Variants in HMGB1 observed in about 807,000 individuals in gnomAD.
HMGB1 encodes high mobility group protein B1.
For synonymous variants in HMGB1, 81 were observed against 84.0 expected (o/e 0.96, Z 0.19); for missense variants, 79 against 253.5 (o/e 0.31, Z 4.67).
In HMGB1 at chr13:30,459,844, C is replaced by G. The variant is rs1886198000; in HGVS notation, c.*1513G>C. The G allele has an allele frequency of 6.6e-6, 1 of 152,492 alleles. No individual in the cohort carries two copies. The highest frequency in any genetic ancestry group is 2.1e-4 in the South Asian group (1 of 4,832). 9.4% of individuals were successfully genotyped at this position (152,492 alleles called of 1,614,324 possible). On this transcript the variant is annotated 3_prime_UTR_variant, in exon 5 of 5. Transcript: ENST00000341423. ...AAGTTCTTAAGTGAAAGCCATTTAA[C>G]TAGTATTTAAAACCTCTGCAATTAT...
intron 1 of HMGB1, among the ~76,000 whole-genome samples, chr13:30,473,302 A>G (rs1024289938): frequency 6.6e-6 from 1 of 152,188 alleles, no homozygotes. Flanking sequence ...TTATATCAAT[A>G]AGTTCTCTAG....
intron 1 of HMGB1, chr13:30,464,751 C>G (rs965938673): frequency 2.6e-6 from 1 of 377,690 alleles, no homozygotes; most frequent in African/African-American, 2.5e-5. Context: ...GAGAATATGG[C>G]TCCTTCCCTT....
At chr13:30,524,591 G>T (rs1332731008) in intron 1 of HMGB1, among the ~76,000 whole-genome samples, 2 of 152,034 alleles carry the variant, frequency 1.3e-5, no homozygotes, top group Non-Finnish European at 2.9e-5. Context: ...GCTGAGGCAG[G>T]AGAATCATTT....
chr13:30,593,278 A>G (rs1871448611), intron 1 of HMGB1, among the ~76,000 whole-genome samples: 1 of 152,172 alleles, frequency 6.6e-6, no homozygotes, highest in Non-Finnish European at 1.5e-5. Flanking sequence ...GCCTCTGATT[A>G]TCTTTTAATA....
Position 30,465,850 on chromosome 13 carries a change from G to C in HMGB1, c.-69C>G. 1.0e-6 allele frequency: 1 copy of C among 985,570 alleles called. No individual in the cohort carries two copies. The highest frequency in any genetic ancestry group is 1.2e-6 in the Non-Finnish European group (1 of 829,680). The allele number at this position is 985,570 out of a possible 1,614,324, so 61.1% of individuals were successfully genotyped here. On this transcript the variant is annotated 5_prime_UTR_variant, in exon 1 of 5. Coordinates refer to ENST00000341423, the MANE Select transcript of HMGB1 (RefSeq NM_002128.7). ...CCGTCCGGCTCTCACTTGCCCCGGT[G>C]CTGTCTCTATGGAGCTCAATGTACT...
chr13:30,544,514 T>C (rs1408535366), intron 1 of HMGB1, among the ~76,000 whole-genome samples: 1 of 152,208 alleles, frequency 6.6e-6, no homozygotes, highest in East Asian at 1.9e-4. Flanking sequence ...CATGCCTATG[T>C]AATGACGCTT....
At chr13:30,506,423 C>G (rs1225654165) in intron 1 of HMGB1, among the ~76,000 whole-genome samples, 10 of 152,150 alleles carry the variant, frequency 6.6e-5, no homozygotes, top group Admixed American at 6.5e-4. Context: ...CCCTCTTAAC[C>G]GATGACTGAG....
chr13:30,568,687 A>G (rs1324845501), intron 1 of HMGB1, among the ~76,000 whole-genome samples: 2 of 152,270 alleles, frequency 1.3e-5, no homozygotes, highest in East Asian at 3.9e-4. Flanking sequence ...AGATGCAGTT[A>G]CAAGTCAAGG....
intron 1 of HMGB1, among the ~76,000 whole-genome samples, chr13:30,518,415 C>A (rs1457345835): frequency 6.6e-6 from 1 of 152,046 alleles, no homozygotes; most frequent in African/African-American, 2.4e-5. Context: ...TTTTCAAGAC[C>A]CAATTTAGAT....
chr13:30,553,680 A>G, intron 1 of HMGB1: 1 of 821,524 alleles, frequency 1.2e-6, no homozygotes, highest in South Asian at 1.4e-5. Flanking sequence ...CATGCCCACC[A>G]TCATTGAGCG....
At chr13:30,601,117 C>G (rs948390809) in intron 1 of HMGB1, among the ~76,000 whole-genome samples, 3 of 152,174 alleles carry the variant, frequency 2.0e-5, no homozygotes, top group Admixed American at 2.0e-4. Flanking sequence ...TTTATAATTT[C>G]CCCCACCCTT....
At chr13:30,607,295 C>T (rs1950469233) in intron 1 of HMGB1, among the ~76,000 whole-genome samples, 1 of 152,230 alleles carries the variant, frequency 6.6e-6, no homozygotes, top group South Asian at 2.1e-4. Context: ...CCACCCAAAT[C>T]TCATCTTGAA....
At chr13:30,580,081 C>A (rs1870835789) in intron 1 of HMGB1, among the ~76,000 whole-genome samples, 1 of 152,154 alleles carries the variant, frequency 6.6e-6, no homozygotes, top group Non-Finnish European at 1.5e-5. Context: ...ATTTCTGATA[C>A]AAAGAGACAG....
chr13:30,608,780 T>A (rs981309241), intron 1 of HMGB1, among the ~76,000 whole-genome samples: 1 of 152,220 alleles, frequency 6.6e-6, no homozygotes, highest in African/African-American at 2.4e-5. Flanking sequence ...TTGAAACAAC[T>A]TTTTTCAGTA....
chr13:30,558,648 TTCC>T (rs1869796765), intron 1 of HMGB1, among the ~76,000 whole-genome samples: 4 of 152,222 alleles, frequency 2.6e-5, no homozygotes, highest in Non-Finnish European at 5.9e-5. Context: ...CTATGAAACC[TTCC>T]TTTTTCCAAA....
At chr13:30,616,232 T>C (rs1950560661) in intron 1 of HMGB1, among the ~76,000 whole-genome samples, 1 of 152,214 alleles carries the variant, frequency 6.6e-6, no homozygotes, top group Non-Finnish European at 1.5e-5. Context: ...AATCCCTTCC[T>C]TTCTCTTTAC....
intron 1 of HMGB1, among the ~76,000 whole-genome samples, chr13:30,516,558 C>A (rs1038901752): frequency 2.0e-5 from 3 of 151,974 alleles, no homozygotes; most frequent in African/African-American, 7.3e-5. Flanking sequence ...TAATTTAATG[C>A]AGAAAACACT....
At chr13:30,462,952 G>A (rs572219968) in intron 3 of HMGB1, among the ~76,000 whole-genome samples, 1 of 152,292 alleles carries the variant, frequency 6.6e-6, no homozygotes, top group South Asian at 2.1e-4. Context: ...CAAAGGGATA[G>A]TATTTTTCAA....
chr13:30,571,025 T>C (rs1870400921), intron 1 of HMGB1, among the ~76,000 whole-genome samples: 1 of 152,196 alleles, frequency 6.6e-6, no homozygotes, highest in African/African-American at 2.4e-5. Context: ...TGTTCAAAAG[T>C]CAGGCTCATG....
Sources: allele counts gnomAD v4.1 joint callset (sites outside exome capture counted in the v4.1 genomes callset), GRCh38; gene constraint gnomAD v4.1.1; transcripts MANE v1.5; gene names NCBI Gene and HGNC (gene_info 2026-07-23, HGNC 2026-07-21).